The following DNAH8 variants were observed in gnomAD, a reference collection of about 807,000 sequenced individuals.
The protein encoded by DNAH8 is dynein axonemal heavy chain 8, also known as axonemal beta dynein heavy chain 8.
DNAH8 carries 382 observed loss-of-function variants against 562.1 expected under a neutral mutation model. The ratio of observed to expected loss-of-function variants is 0.68; its 90% CI spans 0.63 to 0.74. The LOEUF (loss-of-function observed/expected upper bound fraction) is 0.74, where lower values mean the gene tolerates loss of function less well. Ranked by LOEUF, DNAH8 falls within the 30% of genes least tolerant of loss-of-function variation. The pLI is 0.00. For missense variants in DNAH8, 5,203 were observed against 5,620.4 expected, an observed-to-expected ratio of 0.93 and a Z score of 2.37; for synonymous variants, 1,881 against 1,919.4, an observed-to-expected ratio of 0.98 and a Z score of 0.52.
chr6:38,925,383 G>T (rs142291232), intron 73 of DNAH8, among the ~76,000 whole-genome samples: 1,888 of 150,180 alleles, frequency 0.013, 35 homozygotes, highest in Middle Eastern at 0.038. Context: ...TAGCCCAGAC[G>T]GAAGTGCAGT....
chr6:39,015,281 CT>C (rs1481146615), intron 91 of DNAH8, among the ~76,000 whole-genome samples: 4 of 152,072 alleles, frequency 2.6e-5, no homozygotes, highest in African/African-American at 9.7e-5. Flanking sequence ...CAAAATATAA[CT>C]TTAAAAAGCA....
At chr6:38,939,975 A>T (rs1347648047) in intron 79 of DNAH8, among the ~76,000 whole-genome samples, 6 of 152,146 alleles carry the variant, frequency 3.9e-5, no homozygotes, top group Admixed American at 2.0e-4. Flanking sequence ...TGAAAGGTGG[A>T]TATGGAGGCA....
rs1772030309 is a variant in DNAH8, at chr6:38,814,051, C to T, written c.3258-3C>T. The T allele has an allele frequency of 6.3e-7, 1 of 1,583,404 alleles. No homozygotes were observed. The highest frequency in any genetic ancestry group is 8.7e-7 in the Non-Finnish European group (1 of 1,155,386). On this transcript the variant is annotated splice_region_variant and splice_polypyrimidine_tract_variant and intron_variant, in intron 24 of 92. Coordinates refer to ENST00000327475, the MANE Select transcript of DNAH8 (RefSeq NM_001206927.2). Reference sequence around the variant, plus strand: ...CATCAGCTAAATGTCCATCTCATTGCAGCCTTTATGGGCGAAAGCAGTCAG... The same window carrying T: ...CATCAGCTAAATGTCCATCTCATTGTAGCCTTTATGGGCGAAAGCAGTCAG...
intron 53 of DNAH8, among the ~76,000 whole-genome samples, chr6:38,878,779 A>G (rs961309783): frequency 6.6e-6 from 1 of 152,194 alleles, no homozygotes; most frequent in Non-Finnish European, 1.5e-5. Flanking sequence ...AGAACTAGAT[A>G]TTGCACAGCA....
At chr6:38,883,496 C>T (rs1228692799) in intron 55 of DNAH8, 40 bp downstream of exon 55, 1 of 1,547,540 alleles carries the variant, frequency 6.5e-7, no homozygotes, top group Admixed American at 2.0e-5. Flanking sequence ...AAACATAATA[C>T]ATTTTAAATT....
intron 1 of DNAH8, chr6:38,716,667 T>C (rs940015454): frequency 4.6e-5 from 7 of 152,252 alleles, no homozygotes; most frequent in Non-Finnish European, 1.0e-4. Context: ...AATTTGATTG[T>C]GCATTTTGCT....
chr6:38,971,807 C>A (rs1293586351), intron 83 of DNAH8, 142 bp downstream of exon 83: 1 of 518,164 alleles, frequency 1.9e-6, no homozygotes, highest in Non-Finnish European at 3.3e-6. Context: ...AAACCTCAGT[C>A]TAGTTTCCTC....
intron 82 of DNAH8, among the ~76,000 whole-genome samples, chr6:38,970,796 CT>C: frequency 6.6e-6 from 1 of 152,288 alleles, no homozygotes; most frequent in East Asian, 1.9e-4. Context: ...TCCACAAGGG[CT>C]TGCTTAAGAG....
chr6:38,853,411 G>T, intron 41 of DNAH8, 64 bp downstream of exon 41: 2 of 1,561,950 alleles, frequency 1.3e-6, no homozygotes, highest in Non-Finnish European at 1.8e-6. Context: ...AGGATGCTTA[G>T]CAGGTGGTTG....
At chr6:38,766,300 T>C (rs184184702) in intron 11 of DNAH8, among the ~76,000 whole-genome samples, 1 of 152,292 alleles carries the variant, frequency 6.6e-6, no homozygotes, top group East Asian at 1.9e-4. Flanking sequence ...CTGCCTTTTT[T>C]CACCTCTATG....
At chr6:38,920,796 A>G (rs2150553566) in intron 70 of DNAH8, among the ~76,000 whole-genome samples, 1 of 152,334 alleles carries the variant, frequency 6.6e-6, no homozygotes, top group South Asian at 2.1e-4. Flanking sequence ...TCCTAACACA[A>G]TACTCACAGG....
intron 92 of DNAH8, among the ~76,000 whole-genome samples, chr6:39,029,872 ATAAC>A (rs1177141514): frequency 6.6e-6 from 1 of 152,108 alleles, no homozygotes; most frequent in Non-Finnish European, 1.5e-5. Context: ...CCACACTTAA[ATAAC>A]TAATAACAAA....
chr6:38,767,049 T>G (rs1457005429), intron 11 of DNAH8, among the ~76,000 whole-genome samples: 2 of 152,208 alleles, frequency 1.3e-5, no homozygotes, highest in Non-Finnish European at 2.9e-5. Flanking sequence ...TTCAGTGGCA[T>G]TAACTACATT....
At position 38,723,079 on chromosome 6, in the gene DNAH8, G is replaced by C. The variant is rs180723141; in HGVS notation, c.270G>C (p.Pro90=). Reference sequence around the variant, plus strand: ...ATAGAGTTCGACAGAGGCTTGCACCGCGACCGGTTCAGTCAGTGATTTCGG... The same window carrying C: ...ATAGAGTTCGACAGAGGCTTGCACCCCGACCGGTTCAGTCAGTGATTTCGG... ...DLNRVRQRLA[P]RPVQSVISEV... is the part of the protein sequence containing the mutation. Residue 90 remains proline (P), a synonymous_variant, in exon 2 of 93, where the codon CCG becomes CCC. Transcript: ENST00000327475. The C allele has an allele frequency of 2.9e-3, 4,722 of 1,612,878 alleles. 21 individuals are homozygous for C. The highest frequency in any genetic ancestry group is 4.9e-3 in the Middle Eastern group (30 of 6,062).
In DNAH8 at chr6:38,804,519, A is replaced by G. The variant is rs747957714; in HGVS notation, c.3035-962A>G. ...CTTCTCCCCAGCTGCTGCTCAGGGA[A>G]GTAGTGTGAGGCTGGCTTCGAGCAA... On this transcript the variant is annotated intron_variant, in intron 22 of 92. Coordinates refer to ENST00000327475, the MANE Select transcript of DNAH8 (RefSeq NM_001206927.2). Among the ~76,000 whole-genome samples, 16 of 152,136 alleles carry G rather than the reference A, an allele frequency of 1.1e-4. 1 individual carries two copies.
intron 91 of DNAH8, among the ~76,000 whole-genome samples, chr6:39,025,609 C>CT (rs1767219943): frequency 6.6e-6 from 1 of 152,194 alleles, no homozygotes; most frequent in African/African-American, 2.4e-5. Flanking sequence ...CCTTGCAACT[C>CT]TCCCCTCCCC....
In DNAH8 at chr6:38,872,919, C is replaced by T; in HGVS notation, c.7251C>T (p.Phe2417=). 1.9e-6 allele frequency: 3 copies of T among 1,612,914 alleles called. No homozygotes were observed. The highest frequency in any genetic ancestry group is 2.5e-6 in the Non-Finnish European group (3 of 1,179,730). The change falls in exon 51 of 93, where the codon TTC becomes TTT. Residue 2417 remains phenylalanine (F), a synonymous_variant. Coordinates refer to ENST00000327475, the MANE Select transcript of DNAH8 (RefSeq NM_001206927.2). ...AATTATTTTCAGGTGAAAACATTTT[C>T]CTCATTTTAGATGGTCCTGTGGATG... ...TLKAKKGENI[F]LILDGPVDAI...
Position 38,761,773 on chromosome 6 carries a change from G to C in DNAH8, c.1587G>C (p.Gln529His). 6.4e-7 allele frequency: 1 copy of C among 1,566,050 alleles called. No homozygotes were observed. The highest frequency in any genetic ancestry group is 8.6e-7 in the Non-Finnish European group (1 of 1,160,144). ...GAGGATTAAACCATGTATGGGATCAGGAAACGCCAGTTGTACTAAAGAAAA... is the reference window on the plus strand; with the variant it reads ...GAGGATTAAACCATGTATGGGATCACGAAACGCCAGTTGTACTAAAGAAAA... ...TDGGLNHVWD[Q>H]ETPVVLKKIQ... The change falls in exon 11 of 93, where the codon CAG becomes CAC. Residue 529 changes from glutamine (Q) to histidine (H), a missense_variant. By Grantham distance (24) the Gln-to-His change is conservative. Transcript: ENST00000327475.
intron 73 of DNAH8, 134 bp from the exon 74 acceptor site, chr6:38,925,921 G>T: frequency 6.4e-6 from 5 of 776,980 alleles, no homozygotes; most frequent in Admixed American, 3.5e-5. Flanking sequence ...GCTTTTTTTC[G>T]AAGTACAAGT....
Sources: allele counts gnomAD v4.1 joint callset (sites outside exome capture counted in the v4.1 genomes callset), GRCh38; gene constraint gnomAD v4.1.1; transcripts MANE v1.5; gene names NCBI Gene and HGNC (gene_info 2026-07-23, HGNC 2026-07-21).